The following PSD4 variants were observed in gnomAD, a reference collection of about 807,000 sequenced individuals.
The protein encoded by PSD4 is PH and SEC7 domain-containing protein 4.
PSD4 carries 59 observed loss-of-function variants against 112.5 expected under a neutral mutation model. The observed-to-expected ratio is 0.52, with a 90% CI of 0.43 to 0.65. The LOEUF (loss-of-function observed/expected upper bound fraction) is 0.65, where lower values mean the gene tolerates loss of function less well. PSD4 is among the 30% of genes least tolerant of loss of function. The pLI, the probability that PSD4 is intolerant of heterozygous loss-of-function variation, is 0.00. For synonymous variants in PSD4, 533 were observed against 540.0 expected, an observed-to-expected ratio of 0.99 and a Z score of 0.18; for missense variants, 1,267 against 1,352.6, an observed-to-expected ratio of 0.94 and a Z score of 0.99.
In PSD4 at chr2:113,201,719, A is replaced by G. The variant is rs1688783693; in HGVS notation, c.*304A>G. On this transcript the variant is annotated 3_prime_UTR_variant, in exon 17 of 17. Transcript: ENST00000245796. ...CAGAGCTCAGCCCATGTCACCCTCC[A>G]GGCCCCAGAATCCAGAGTGGCCTCA... The G allele has an allele frequency of 4.8e-6, 2 of 420,436 alleles. No individual in the cohort carries two copies. Among genetic ancestry groups the G allele is most frequent in the Non-Finnish European group, 8.7e-6 (2 of 229,758 alleles). The allele number at this position is 420,436 out of a possible 1,614,324, so 26.0% of individuals were successfully genotyped here. A position where few individuals can be genotyped will look rare whatever the true frequency, so the allele number is the denominator to read the frequency against.
chr2:113,186,476 A>T (rs941821412), intron 5 of PSD4, among the ~76,000 whole-genome samples: 1 of 152,226 alleles, frequency 6.6e-6, no homozygotes, highest in Non-Finnish European at 1.5e-5. Context: ...TGGAGGCGAG[A>T]TCTGAGTGTG....
Position 113,203,490 on chromosome 2 carries a change from C to G in PSD4, c.*2075C>G, listed in dbSNP as rs1688819491. ...GCATCAAGTGGACATGACTTTTGGC[C>G]CAAGACTGATGCTTACAAACTAAGT... On this transcript the variant is annotated 3_prime_UTR_variant, in exon 17 of 17. Coordinates refer to ENST00000245796, the MANE Select transcript of PSD4 (RefSeq NM_012455.3). 1 of 150,576 alleles carries G rather than the reference C, an allele frequency of 6.6e-6. No homozygotes were observed. The highest frequency in any genetic ancestry group is 2.4e-5 in the African/African-American group (1 of 40,956). 9.3% of individuals were successfully genotyped at this position (150,576 alleles called of 1,614,324 possible).
At chr2:113,178,115 G>A (rs1688026686) in intron 1 of PSD4, among the ~76,000 whole-genome samples, 1 of 152,168 alleles carries the variant, frequency 6.6e-6, no homozygotes, top group South Asian at 2.1e-4. Flanking sequence ...CTACTTGGGA[G>A]GCTGAGACAG....
At position 113,182,328 on chromosome 2, in the gene PSD4, T is replaced by A; in HGVS notation, c.-111-18T>A. 1.1e-6 allele frequency: 1 copy of A among 916,712 alleles called. No individual in the cohort carries two copies. The highest frequency in any genetic ancestry group is 1.6e-6 in the Non-Finnish European group (1 of 606,544). The allele number at this position is 916,712 out of a possible 1,614,324, so 56.8% of individuals were successfully genotyped here. A position where few individuals can be genotyped will look rare whatever the true frequency, so the allele number is the denominator to read the frequency against. On this transcript the variant is annotated intron_variant, in intron 1 of 16. Coordinates refer to ENST00000245796, the MANE Select transcript of PSD4 (RefSeq NM_012455.3). ...TGACAGCCCTTCCCTAACCTGCACT[T>A]GCTTTGGGCATTTCCAGGGTAGATA... is the stretch of plus-strand genomic sequence containing the variant.
rs143098414 is a variant in PSD4 at position 113,195,760 on chromosome 2, G to T, written c.2215G>T (p.Glu739Ter). The change falls in exon 11 of 17, where the codon GAG (glutamate) becomes TAG (stop). Residue 739 changes from glutamate to a stop codon, truncating the protein, a stop_gained. Transcript: ENST00000245796. LOFTEE classifies it high-confidence loss of function. ...CTGGTCTATCCGCAGCGAGAAGCTC[G>T]AGTGGGCCGTGTGAGTGAGACTCCC... ...LYWSIRSEKLEWAVDEEDTAR... is the reference protein window; with the variant it reads ...LYWSIRSEKL 5 of 1,614,158 alleles carry T rather than the reference G, an allele frequency of 3.1e-6. No individual in the cohort carries two copies. The highest frequency in any genetic ancestry group is 4.2e-6 in the Non-Finnish European group (5 of 1,180,024).
chr2:113,184,371 G>C (rs925577748), intron 2 of PSD4, among the ~76,000 whole-genome samples: 3 of 144,918 alleles, frequency 2.1e-5, no homozygotes, highest in African/African-American at 5.2e-5. Flanking sequence ...ATTTTCTCAG[G>C]ACTTTCTTTT....
At chr2:113,199,267 C>A in intron 16 of PSD4, 41 bp downstream of exon 16, 1 of 1,404,860 alleles carries the variant, frequency 7.1e-7, no homozygotes, top group Non-Finnish European at 9.2e-7. Context: ...GCGCAGCGCC[C>A]TCTCCGCCCT....
intron 4 of PSD4, 151 bp downstream of exon 4, chr2:113,185,591 C>G: frequency 6.4e-7 from 1 of 1,556,300 alleles, no homozygotes; most frequent in Admixed American, 1.9e-5. Flanking sequence ...TAAATCCTGC[C>G]TCTTTAAAAT....
intron 1 of PSD4, among the ~76,000 whole-genome samples, chr2:113,176,875 G>A (rs1251825818): frequency 1.3e-5 from 2 of 152,172 alleles, no homozygotes; most frequent in African/African-American, 2.4e-5. Context: ...CCACCCTTCT[G>A]AGATCAGACC....
chr2:113,177,910 T>A (rs1439343955), intron 1 of PSD4, among the ~76,000 whole-genome samples: 1 of 151,662 alleles, frequency 6.6e-6, no homozygotes, highest in Non-Finnish European at 1.5e-5. Flanking sequence ...TCACATTGAG[T>A]TTAATTGGTT....
At position 113,201,405 on chromosome 2, in the gene PSD4, A is replaced by G. The variant is rs1476677477; in HGVS notation, c.3161A>G (p.Asn1054Ser). Residue 1054 changes from asparagine to serine, a missense_variant, in exon 17 of 17, where the codon AAT (asparagine) becomes AGT (serine). Coordinates refer to ENST00000245796, the MANE Select transcript of PSD4 (RefSeq NM_012455.3). ...AAGATCATCCCTAAGCGGAACCGCA[A>G]TCAGCTGTGAAGCCAGCACCACCTC... ...YRKIIPKRNRNQL is the reference protein window; with the variant it reads ...YRKIIPKRNRSQL 2 of 1,613,830 alleles carry G rather than the reference A, an allele frequency of 1.2e-6. No individual in the cohort carries two copies. Among genetic ancestry groups the G allele is most frequent in the Non-Finnish European group, 1.7e-6 (2 of 1,180,012 alleles).
At chr2:113,187,560 T>C (rs529088795) in intron 5 of PSD4, among the ~76,000 whole-genome samples, 155 of 151,840 alleles carry the variant, frequency 1.0e-3, no homozygotes, top group East Asian at 1.7e-3. Flanking sequence ...TGTGAACAGG[T>C]CCGGGTGACC....
chr2:113,201,283 C>A lies in PSD4; in HGVS notation c.3039C>A (p.Ser1013Arg). ...GAGGCACTCGGGAGCCCAAGCTCAGCCTGAAGAAGTCCCACTCGAGCCCGT... is the reference window on the plus strand; with the variant it reads ...GAGGCACTCGGGAGCCCAAGCTCAGACTGAAGAAGTCCCACTCGAGCCCGT... ...EAGGTREPKL[S>R]LKKSHSSPSL... The change falls in exon 17 of 17, where the codon AGC becomes AGA. Residue 1013 changes from serine (S) to arginine (R), a missense_variant. Ser to Arg is a moderately radical substitution (Grantham distance 110). Transcript: ENST00000245796. 2 of 1,614,178 alleles carry A rather than the reference C, an allele frequency of 1.2e-6. No individual in the cohort carries two copies. The highest frequency in any genetic ancestry group is 1.3e-5 in the African/African-American group (1 of 75,054).
intron 12 of PSD4, 99 bp from the exon 13 acceptor site, chr2:113,197,465 G>A: frequency 8.2e-7 from 1 of 1,221,076 alleles, no homozygotes; most frequent in Non-Finnish European, 1.2e-6. Flanking sequence ...ACTGGAGGTG[G>A]TGTGAGGGAC....
chr2:113,199,168 G>A lies in PSD4; in HGVS notation c.2855G>A (p.Arg952Gln), dbSNP rs1688703795. Residue 952 changes from arginine to glutamine, a missense_variant, in exon 16 of 17, where the codon CGG becomes CAG. This residue lies in a region of PSD4 where 544 missense variants were observed against 648.6 expected (regional missense o/e 0.84). Transcript: ENST00000245796. ...CTACAGAGGAACCTGCCGGAGCGGCGGGGCCGTGGCCGCGAGCTGGAGGAG... is the reference window on the plus strand; with the variant it reads ...CTACAGAGGAACCTGCCGGAGCGGCAGGGCCGTGGCCGCGAGCTGGAGGAG... ...LDLQRNLPER[R>Q]GRGRELEEHR... 1.3e-6 allele frequency: 2 copies of A among 1,525,730 alleles called. No homozygotes were observed. Among genetic ancestry groups the A allele is most frequent in the South Asian group, 2.4e-5 (2 of 82,574 alleles). 94.5% of individuals were successfully genotyped at this position (1,525,730 alleles called of 1,614,324 possible). A position where few individuals can be genotyped will look rare whatever the true frequency, so the allele number is the denominator to read the frequency against.
At chr2:113,188,280 G>A (rs1400353616) in intron 5 of PSD4, among the ~76,000 whole-genome samples, 1 of 151,978 alleles carries the variant, frequency 6.6e-6, no homozygotes, top group Non-Finnish European at 1.5e-5. Context: ...TTTTGCTCTT[G>A]CTGCCCAGGC....
Position 113,201,459 on chromosome 2 carries a change from A to G in PSD4, c.*44A>G, listed in dbSNP as rs767881701. 36 of 1,602,136 alleles carry G rather than the reference A, an allele frequency of 2.2e-5. No individual in the cohort carries two copies. In the East Asian group the frequency reaches 7.4e-4, roughly 33 times the overall value. On this transcript the variant is annotated 3_prime_UTR_variant, in exon 17 of 17. Coordinates refer to ENST00000245796, the MANE Select transcript of PSD4 (RefSeq NM_012455.3). ...GACACTGTTCCCTGCTCCAGGGTAGACCTGAGATGAACCTCCCTGGAGGAG... is the reference window on the plus strand; with the variant it reads ...GACACTGTTCCCTGCTCCAGGGTAGGCCTGAGATGAACCTCCCTGGAGGAG...
rs778028320 is a variant in PSD4, at chr2:113,185,992, C to T, written c.1365C>T (p.Gly455=). 70 of 1,614,032 alleles carry T rather than the reference C, an allele frequency of 4.3e-5. No homozygotes were observed. Among genetic ancestry groups the T allele is most frequent in the Non-Finnish European group, 5.8e-5 (69 of 1,179,992 alleles). Residue 455 remains glycine (G), a synonymous_variant, in exon 5 of 17, where the codon GGC becomes GGT. Transcript: ENST00000245796. ...EPSSPESESR[G]PGPRPSPASS... is the part of the protein sequence containing the mutation. ...GCAGCCCAGAATCTGAGAGCAGAGG[C>T]CCTGGTCCCAGGCCCAGCCCTGCAT...
rs1322929072 is a variant in PSD4, at chr2:113,201,289, G to A, written c.3045G>A (p.Lys1015=). The change falls in exon 17 of 17, where the codon AAG becomes AAA. Residue 1015 remains lysine (K), a synonymous_variant. Coordinates refer to ENST00000245796, the MANE Select transcript of PSD4 (RefSeq NM_012455.3). The stretch of plus-strand genomic sequence containing the variant: ...CTCGGGAGCCCAAGCTCAGCCTGAA[G>A]AAGTCCCACTCGAGCCCGTCCCTGC... ...GGTREPKLSL[K]KSHSSPSLHQ... is the part of the protein sequence containing the mutation. 1.9e-6 allele frequency: 3 copies of A among 1,614,166 alleles called. No homozygotes were observed. The highest frequency in any genetic ancestry group is 2.5e-6 in the Non-Finnish European group (3 of 1,180,036).
Sources: allele counts gnomAD v4.1 joint callset (sites outside exome capture counted in the v4.1 genomes callset), GRCh38; gene constraint gnomAD v4.1.1; regional missense constraint gnomAD v4.1.1; transcripts MANE v1.5; gene names NCBI Gene and HGNC (gene_info 2026-07-23, HGNC 2026-07-21).